SWT1: variants seen among roughly 807,000 people sequenced by gnomAD.
The protein encoded by SWT1 is SWT1 RNA endoribonuclease homolog.
A neutral mutation model predicts 107.3 loss-of-function variants in SWT1; 33 were observed. That is an observed-to-expected ratio of 0.31 (90% CI 0.23 to 0.41). The LOEUF is 0.41. Among genes scored for constraint, SWT1 ranks in the 10% least tolerant of loss-of-function variants. The probability of loss-of-function intolerance (pLI) is 1.00; values close to 1 mark genes in which losing one functional copy is unlikely to be tolerated. For synonymous variants in SWT1, 345 were observed against 348.3 expected, an observed-to-expected ratio of 0.99 and a Z score of 0.11; for missense variants, 898 against 1,028.9, an observed-to-expected ratio of 0.87 and a Z score of 1.74.
intron 6 of SWT1, 51 bp from the exon 7 acceptor site, chr1:185,181,895 T>G: frequency 1.2e-6 from 2 of 1,600,920 alleles, no homozygotes; most frequent in Non-Finnish European, 1.7e-6. Context: ...TCCTCTCTTG[T>G]CAGTCTGCAA....
chr1:185,215,385 A>G (rs1467166597), intron 14 of SWT1, among the ~76,000 whole-genome samples: 4 of 152,190 alleles, frequency 2.6e-5, no homozygotes, highest in African/African-American at 9.7e-5. Flanking sequence ...TAACTACAAT[A>G]TAATTAATCA....
chr1:185,254,638 T>C (rs1571627453), intron 16 of SWT1, among the ~76,000 whole-genome samples: 1 of 152,144 alleles, frequency 6.6e-6, no homozygotes, highest in East Asian at 1.9e-4. Flanking sequence ...CCCTTTATCA[T>C]TTTTTATTGT....
intron 13 of SWT1, among the ~76,000 whole-genome samples, chr1:185,210,136 G>A (rs186257595): frequency 6.6e-6 from 1 of 152,038 alleles, no homozygotes; most frequent in Non-Finnish European, 1.5e-5. Flanking sequence ...TTGTCAGATC[G>A]ATAGATTGCA....
intron 15 of SWT1, among the ~76,000 whole-genome samples, chr1:185,230,948 G>C (rs142606756): frequency 6.6e-6 from 1 of 152,192 alleles, no homozygotes; most frequent in African/African-American, 2.4e-5. Context: ...AAGGTTGAAC[G>C]ATGTTGCCTA....
chr1:185,221,805 A>G (rs1005480220), intron 14 of SWT1, 44 bp from the exon 15 acceptor site: 9 of 1,386,810 alleles, frequency 6.5e-6, no homozygotes, highest in Non-Finnish European at 8.7e-6. Flanking sequence ...TCTCCTCTGC[A>G]AATGAAGAAC....
At chr1:185,255,167 T>C (rs1662385292) in intron 16 of SWT1, among the ~76,000 whole-genome samples, 1 of 152,228 alleles carries the variant, frequency 6.6e-6, no homozygotes, top group South Asian at 2.1e-4. Context: ...ATTTCTGTTC[T>C]TTTACATCTG....
At chr1:185,207,890 G>A (rs1281363140) in intron 13 of SWT1, among the ~76,000 whole-genome samples, 2 of 152,148 alleles carry the variant, frequency 1.3e-5, no homozygotes, top group Non-Finnish European at 2.9e-5. Context: ...AACAGAATGA[G>A]ACCCTGTCTC....
intron 10 of SWT1, among the ~76,000 whole-genome samples, chr1:185,197,396 TTCA>T (rs1657486920): frequency 6.6e-6 from 1 of 152,206 alleles, no homozygotes; most frequent in African/African-American, 2.4e-5. Flanking sequence ...TGCATTGATA[TTCA>T]TCAGGGATAT....
At chr1:185,213,214 C>CCT (rs1658964382) in intron 13 of SWT1, among the ~76,000 whole-genome samples, 1 of 151,940 alleles carries the variant, frequency 6.6e-6, no homozygotes, top group African/African-American at 2.4e-5. Context: ...GGAAAAGCAC[C>CCT]CTTAAAAGAA....
At chr1:185,233,804 C>A (rs896099522) in intron 16 of SWT1, among the ~76,000 whole-genome samples, 7 of 152,130 alleles carry the variant, frequency 4.6e-5, no homozygotes, top group African/African-American at 1.7e-4. Context: ...AGTGCAGTAG[C>A]GCAATCTCAG....
At chr1:185,227,386 G>A in intron 15 of SWT1, 1 of 703,570 alleles carries the variant, frequency 1.4e-6, no homozygotes, top group Non-Finnish European at 2.6e-6. Flanking sequence ...CTGCGGGCCA[G>A]CAGCAGGCCA....
rs113600853 is a variant in SWT1, at chr1:185,273,920, G to A, written c.2508+2531G>A. ...TCAGGAGGCTGGAGGTGGGAGGATC[G>A]CTTGAGGCCAGGTGTTCAAGGCTGC... On this transcript the variant is annotated intron_variant, in intron 17 of 18. Transcript: ENST00000367500. Among the ~76,000 whole-genome samples the A allele has an allele frequency of 8.7e-3, 1,316 of 152,058 alleles. 17 individuals carry two copies. Among genetic ancestry groups the A allele is most frequent in the African/African-American group, 0.029 (1,184 of 41,482 alleles).
At chr1:185,271,952 C>T (rs777477007) in intron 17 of SWT1, among the ~76,000 whole-genome samples, 2 of 152,276 alleles carry the variant, frequency 1.3e-5, no homozygotes, top group Admixed American at 6.5e-5. Flanking sequence ...ATCAGGGGTG[C>T]TGTTGGCATA....
chr1:185,210,985 A>C (rs146995353), intron 13 of SWT1, among the ~76,000 whole-genome samples: 33 of 152,042 alleles, frequency 2.2e-4, no homozygotes, highest in African/African-American at 7.7e-4. Flanking sequence ...ATACAACTTA[A>C]AAGGGATGTG....
At chr1:185,259,333 G>A (rs1662859389) in intron 16 of SWT1, among the ~76,000 whole-genome samples, 1 of 152,096 alleles carries the variant, frequency 6.6e-6, no homozygotes. Context: ...CATACAATCA[G>A]CAATCAATAG....
At chr1:185,217,101 C>T (rs1659281553) in intron 14 of SWT1, among the ~76,000 whole-genome samples, 1 of 152,200 alleles carries the variant, frequency 6.6e-6, no homozygotes, top group Non-Finnish European at 1.5e-5. Flanking sequence ...GCTTTCCCCT[C>T]AACACTTGGC....
chr1:185,235,420 A>G (rs995165029), intron 16 of SWT1, among the ~76,000 whole-genome samples: 2 of 152,226 alleles, frequency 1.3e-5, no homozygotes, highest in Admixed American at 6.5e-5. Flanking sequence ...ACGCAATTCA[A>G]TAAATGTAAT....
At chr1:185,261,636 A>G (rs962688964) in intron 16 of SWT1, among the ~76,000 whole-genome samples, 37 of 149,646 alleles carry the variant, frequency 2.5e-4, no homozygotes, top group African/African-American at 5.4e-4. Flanking sequence ...AAGGGTTCCA[A>G]TTTCTCCACA....
At chr1:185,272,017 A>G (rs1038820575) in intron 17 of SWT1, among the ~76,000 whole-genome samples, 3 of 152,236 alleles carry the variant, frequency 2.0e-5, no homozygotes, top group Admixed American at 2.0e-4. Flanking sequence ...TAACATCCCT[A>G]TACATCAGGT....
Sources: allele counts gnomAD v4.1 joint callset (sites outside exome capture counted in the v4.1 genomes callset), GRCh38; gene constraint gnomAD v4.1.1; transcripts MANE v1.5; gene names NCBI Gene and HGNC (gene_info 2026-07-23, HGNC 2026-07-21).